CPNE7: variants seen among roughly 807,000 people sequenced by gnomAD.
The protein encoded by CPNE7 is copine 7.
CPNE7 carries 78 observed loss-of-function variants against 66.5 expected under a neutral mutation model. The ratio of observed to expected loss-of-function variants is 1.17; its 90% CI spans 0.98 to 1.42. CPNE7 has a LOEUF of 1.42. CPNE7 is among the 40% of genes most tolerant of loss of function. CPNE7 has a pLI of 0.00. For missense variants in CPNE7, 1,012 were observed against 776.6 expected (o/e 1.30, Z -3.60); for synonymous variants, 468 against 336.7 (o/e 1.39, Z -4.27).
At chr16:89,578,067 CTT>C (rs11340227) in intron 2 of CPNE7, among the ~76,000 whole-genome samples, 165 of 113,580 alleles carry the variant, frequency 1.5e-3, no homozygotes, top group African/African-American at 1.8e-3. Flanking sequence ...TTTTCTTTTT[CTT>C]TTTTTTTTTT....
At chr16:89,581,456 C>T (rs932704577) in intron 2 of CPNE7, among the ~76,000 whole-genome samples, 3 of 152,236 alleles carry the variant, frequency 2.0e-5, no homozygotes, top group Admixed American at 2.0e-4. Flanking sequence ...CCATGAATCA[C>T]AGCGCGTGTT....
At chr16:89,587,160 G>T (rs995692628) in intron 9 of CPNE7, 58 bp downstream of exon 9, 3 of 643,498 alleles carry the variant, frequency 4.7e-6, no homozygotes, top group East Asian at 4.0e-5. Flanking sequence ...GCCCCGCCCC[G>T]CCCCCTCAGT....
At chr16:89,588,601 G>T (rs970594525) in intron 9 of CPNE7, 74 bp from the exon 10 acceptor site, 22 of 1,590,066 alleles carry the variant, frequency 1.4e-5, no homozygotes, top group Non-Finnish European at 1.9e-5. Flanking sequence ...CTCTGGGCGT[G>T]GTTTCTCTAC....
At chr16:89,583,363 C>T (rs2058984245) in intron 2 of CPNE7, 1 of 1,358,552 alleles carries the variant, frequency 7.4e-7, no homozygotes. Context: ...GCGTCCGCCA[C>T]ACCTGTGCAG....
chr16:89,582,784 C>T (rs1280736773), intron 2 of CPNE7, among the ~76,000 whole-genome samples: 1 of 152,256 alleles, frequency 6.6e-6, no homozygotes, highest in Non-Finnish European at 1.5e-5. Context: ...CTCATTGTGA[C>T]CTCCCAGCAT....
chr16:89,591,447 G>A (rs532200215), intron 13 of CPNE7, among the ~76,000 whole-genome samples, 187 bp downstream of exon 13: 3 of 152,328 alleles, frequency 2.0e-5, no homozygotes, highest in Non-Finnish European at 2.9e-5. Flanking sequence ...AGGTGTCTCG[G>A]GCACAGGGCT....
In CPNE7 at chr16:89,596,694, T is replaced by C; in HGVS notation, c.*73T>C. 1 of 1,416,990 alleles carries C rather than the reference T, an allele frequency of 7.1e-7. No individual in the cohort carries two copies. The allele number at this position is 1,416,990 out of a possible 1,614,324, so 87.8% of individuals were successfully genotyped here. On this transcript the variant is annotated 3_prime_UTR_variant, in exon 15 of 15. Coordinates refer to ENST00000319518, the MANE Select transcript of CPNE7 (RefSeq NM_153636.3). Reference sequence around the variant, plus strand: ...GCCTCTGTCTGCAACATGCTTGGGGTCCCTTAAGCTCCCTCCGACCTCCCA... The same window carrying C: ...GCCTCTGTCTGCAACATGCTTGGGGCCCCTTAAGCTCCCTCCGACCTCCCA...
At chr16:89,580,411 G>C (rs1413355579) in intron 2 of CPNE7, among the ~76,000 whole-genome samples, 1 of 120,572 alleles carries the variant, frequency 8.3e-6, no homozygotes, top group Non-Finnish European at 1.7e-5. Context: ...CCGTCACACG[G>C]AACATCCCAT....
intron 8 of CPNE7, 62 bp from the exon 9 acceptor site, chr16:89,586,981 C>G (rs918616258): frequency 3.4e-5 from 51 of 1,502,676 alleles, no homozygotes; most frequent in Non-Finnish European, 4.3e-5. Context: ...AGGCCTGGAT[C>G]CCAGCTGGCA....
At chr16:89,592,133 T>TA (rs927925970) in intron 13 of CPNE7, among the ~76,000 whole-genome samples, 54 of 148,666 alleles carry the variant, frequency 3.6e-4, no homozygotes, top group Non-Finnish European at 7.1e-4. Flanking sequence ...CTCAGCCTCC[T>TA]AAGTAGCTGG....
At chr16:89,592,537 A>C (rs1313644211) in intron 13 of CPNE7, among the ~76,000 whole-genome samples, 1 of 140,764 alleles carries the variant, frequency 7.1e-6, no homozygotes, top group Non-Finnish European at 1.5e-5. Flanking sequence ...CCACCCTCCG[A>C]GTTCAAGCAA....
In CPNE7 at chr16:89,586,750, C is replaced by A; in HGVS notation, c.861C>A (p.Asp287Glu). 3 of 1,612,616 alleles carry A rather than the reference C, an allele frequency of 1.9e-6. No homozygotes were observed. The highest frequency in any genetic ancestry group is 2.5e-6 in the Non-Finnish European group (3 of 1,179,438). Residue 287 changes from aspartate (D) to glutamate (E), a missense_variant, in exon 8 of 15, where the codon GAC becomes GAA. Asp to Glu is a conservative substitution (Grantham distance 45). Transcript: ENST00000319518. Reference sequence around the variant, plus strand: ...ACTCAGGAGTGGTCGTCCTGGCTGACCTCAAGGTGAGAGGTGGCTGTGCCC... The same window carrying A: ...ACTCAGGAGTGGTCGTCCTGGCTGAACTCAAGGTGAGAGGTGGCTGTGCCC... ...YKNSGVVVLA[D>E]LKFHRVYSFL... is the part of the protein sequence containing the mutation.
intron 2 of CPNE7, among the ~76,000 whole-genome samples, chr16:89,580,560 C>T (rs1415496149): frequency 1.4e-5 from 2 of 146,900 alleles, no homozygotes; most frequent in Non-Finnish European, 3.0e-5. Flanking sequence ...CATCCCATCA[C>T]CCATCACACG....
At chr16:89,586,974 C>T (rs2059051651) in intron 8 of CPNE7, 69 bp from the exon 9 acceptor site, 1 of 1,474,888 alleles carries the variant, frequency 6.8e-7, no homozygotes, top group African/African-American at 1.4e-5. Flanking sequence ...GGGAGGCAGG[C>T]CTGGATCCCA....
rs116721951 is a variant in CPNE7 at position 89,587,634 on chromosome 16, C to T, written c.927+532C>T. ...GTCTCTACGTGTCATCCAAGGAGCC[C>T]GGCACAGACCCCGTGTCACCCCCAT... On this transcript the variant is annotated intron_variant, in intron 9 of 14. Transcript: ENST00000319518. 1.9e-3 allele frequency: 859 copies of T among 449,272 alleles called. 11 individuals carry two copies. The highest frequency in any genetic ancestry group is 0.013 in the African/African-American group (656 of 49,766). The allele number at this position is 449,272 out of a possible 1,614,324, so 27.8% of individuals were successfully genotyped here.
intron 13 of CPNE7, among the ~76,000 whole-genome samples, chr16:89,592,635 G>A (rs1035505558): frequency 1.3e-5 from 2 of 148,916 alleles, no homozygotes; most frequent in Non-Finnish European, 3.0e-5. Context: ...GTAGAGACGG[G>A]GTTTCACAGT....
intron 8 of CPNE7, 62 bp from the exon 9 acceptor site, chr16:89,586,980 TC>T: frequency 6.7e-7 from 1 of 1,498,626 alleles, no homozygotes. Context: ...CAGGCCTGGA[TC>T]CCAGCTGGCA....
At chr16:89,596,133 C>T (rs921635643) in intron 14 of CPNE7, among the ~76,000 whole-genome samples, 3 of 152,278 alleles carry the variant, frequency 2.0e-5, no homozygotes, top group African/African-American at 7.2e-5. Context: ...ACATTCTACG[C>T]AGTGAAACAT....
intron 13 of CPNE7, among the ~76,000 whole-genome samples, chr16:89,594,567 A>G (rs1289772740): frequency 6.7e-6 from 1 of 149,308 alleles, no homozygotes; most frequent in Non-Finnish European, 1.5e-5. Flanking sequence ...CCCGTTGTCC[A>G]CAGTTTGGGC....
Sources: allele counts gnomAD v4.1 joint callset (sites outside exome capture counted in the v4.1 genomes callset), GRCh38; gene constraint gnomAD v4.1.1; transcripts MANE v1.5; gene names NCBI Gene and HGNC (gene_info 2026-07-23, HGNC 2026-07-21).